The following FBXL17 variants were observed in gnomAD, a reference collection of about 807,000 sequenced individuals.
FBXL17 encodes the protein F-box/LRR-repeat protein 17.
FBXL17 carries 22 observed loss-of-function variants against 66.2 expected under a neutral mutation model. That is an observed-to-expected ratio of 0.33 (90% CI 0.24 to 0.47). The LOEUF is 0.47. Ranked by LOEUF, FBXL17 falls within the 20% of genes least tolerant of loss-of-function variation. FBXL17 has a pLI of 1.00. For missense variants in FBXL17, 878 were observed against 948.2 expected (o/e 0.93, Z 0.97); for synonymous variants, 474 against 400.5 (o/e 1.18, Z -2.19).
intron 7 of FBXL17, among the ~76,000 whole-genome samples, chr5:107,988,085 GTT>G (rs1348457442): frequency 4.0e-5 from 6 of 151,714 alleles, no homozygotes; most frequent in African/African-American, 1.5e-4. Flanking sequence ...ATGTCATCAG[GTT>G]TTCTCAATTT....
At chr5:108,367,531 T>C (rs752983633) in intron 2 of FBXL17, among the ~76,000 whole-genome samples, 1 of 152,018 alleles carries the variant, frequency 6.6e-6, no homozygotes, top group African/African-American at 2.4e-5. Flanking sequence ...TTAAACTATT[T>C]GTAGTATGAT....
At chr5:108,068,390 A>C (rs1178642780) in intron 6 of FBXL17, among the ~76,000 whole-genome samples, 2 of 149,946 alleles carry the variant, frequency 1.3e-5, no homozygotes, top group African/African-American at 4.9e-5. Context: ...CTAGTCCCCC[A>C]AAAAGTACTC....
intron 7 of FBXL17, among the ~76,000 whole-genome samples, chr5:107,968,072 T>C (rs1752223712): frequency 6.6e-6 from 1 of 152,098 alleles, no homozygotes; most frequent in Non-Finnish European, 1.5e-5. Flanking sequence ...ATGTGTTAAG[T>C]TTTAAAACTA....
At chr5:108,068,842 G>C (rs1175050545) in intron 6 of FBXL17, among the ~76,000 whole-genome samples, 1 of 152,112 alleles carries the variant, frequency 6.6e-6, no homozygotes, top group Non-Finnish European at 1.5e-5. Context: ...ATGGATGCCT[G>C]TAAAATAGCA....
chr5:107,937,657 T>G, intron 7 of FBXL17, among the ~76,000 whole-genome samples: 1 of 152,300 alleles, frequency 6.6e-6, no homozygotes, highest in African/African-American at 2.4e-5. Context: ...AACTGTACCT[T>G]TATTTCTCTC....
At chr5:108,349,213 T>C (rs567471501) in intron 3 of FBXL17, among the ~76,000 whole-genome samples, 1 of 152,186 alleles carries the variant, frequency 6.6e-6, no homozygotes, top group African/African-American at 2.4e-5. Context: ...GAAGAAACAT[T>C]TGACAAAAAT....
intron 1 of FBXL17, among the ~76,000 whole-genome samples, chr5:108,378,391 A>G (rs1217883565): frequency 3.3e-5 from 5 of 152,186 alleles, no homozygotes; most frequent in Non-Finnish European, 7.3e-5. Flanking sequence ...AGCATAAAAG[A>G]TGAAGCAAAA....
Position 108,208,620 on chromosome 5 carries a change from T to C in FBXL17, c.1614+15501A>G, listed in dbSNP as rs945022635. Among the ~76,000 whole-genome samples, 3 of 152,206 alleles carry C rather than the reference T, an allele frequency of 2.0e-5. No homozygotes were observed. In the East Asian group the frequency reaches 5.8e-4, roughly 29 times the overall value. On this transcript the variant is annotated intron_variant, in intron 5 of 8. Coordinates refer to ENST00000542267, the MANE Select transcript of FBXL17 (RefSeq NM_001163315.3). ...AGGTTTGTCAAAGATCAGATGGTTG[T>C]AGATACGTGGTGTTATTTCTTAGGT...
At chr5:107,962,070 T>G (rs553505392) in intron 7 of FBXL17, among the ~76,000 whole-genome samples, 2 of 152,280 alleles carry the variant, frequency 1.3e-5, no homozygotes, top group East Asian at 3.9e-4. Context: ...TATAGTTCTT[T>G]GAAAGGAAGA....
chr5:108,321,379 G>C (rs1759611709), intron 4 of FBXL17, among the ~76,000 whole-genome samples: 1 of 151,690 alleles, frequency 6.6e-6, no homozygotes, highest in East Asian at 1.9e-4. Flanking sequence ...TTCTTTCCAA[G>C]TACTGACCAA....
At chr5:107,911,164 T>C (rs900629519) in intron 7 of FBXL17, among the ~76,000 whole-genome samples, 11 of 152,114 alleles carry the variant, frequency 7.2e-5, no homozygotes, top group Non-Finnish European at 1.5e-4. Flanking sequence ...TAAGTTGCAG[T>C]AGTAACAGTA....
chr5:107,964,644 A>T (rs1231288652), intron 7 of FBXL17, among the ~76,000 whole-genome samples: 1 of 152,126 alleles, frequency 6.6e-6, no homozygotes, highest in East Asian at 1.9e-4. Flanking sequence ...GGATAGCTTT[A>T]CCTTCAAGGC....
chr5:107,909,213 C>T (rs1749867185), intron 7 of FBXL17, among the ~76,000 whole-genome samples: 1 of 152,126 alleles, frequency 6.6e-6, no homozygotes, highest in African/African-American at 2.4e-5. Context: ...TCATTATTAA[C>T]TCATTTAAGT....
chr5:108,150,940 C>T (rs555635544), intron 6 of FBXL17, among the ~76,000 whole-genome samples: 5 of 152,228 alleles, frequency 3.3e-5, no homozygotes, highest in East Asian at 3.9e-4. Context: ...GCTTTCCACA[C>T]GGTCATTTTA....
chr5:107,951,330 T>C (rs972265804), intron 7 of FBXL17, among the ~76,000 whole-genome samples: 2 of 152,240 alleles, frequency 1.3e-5, no homozygotes, highest in South Asian at 2.1e-4. Flanking sequence ...TTTAGTAATT[T>C]AGTGTCACAA....
intron 4 of FBXL17, among the ~76,000 whole-genome samples, chr5:108,339,749 G>C (rs991773191): frequency 6.6e-6 from 1 of 151,956 alleles, no homozygotes; most frequent in Non-Finnish European, 1.5e-5. Flanking sequence ...AATACTATTT[G>C]GAATTTCCTA....
intron 7 of FBXL17, among the ~76,000 whole-genome samples, chr5:108,009,261 T>TTATATATATATATATATA: frequency 4.8e-5 from 1 of 20,868 alleles, no homozygotes; most frequent in Non-Finnish European, 8.6e-5. Flanking sequence ...GTTCCCTGTT[T>TTATATATATATATATATA]TATATATATA....
chr5:108,155,900 T>G (rs1751977932), intron 6 of FBXL17, among the ~76,000 whole-genome samples: 2 of 152,208 alleles, frequency 1.3e-5, no homozygotes, highest in Admixed American at 1.3e-4. Context: ...CTTTTAAAAT[T>G]TAATTTATAG....
intron 6 of FBXL17, among the ~76,000 whole-genome samples, chr5:108,155,055 C>A (rs1344664061): frequency 6.6e-6 from 1 of 152,088 alleles, no homozygotes; most frequent in African/African-American, 2.4e-5. Flanking sequence ...ATAAGCTGAT[C>A]AAATCTTTTG....
Sources: allele counts gnomAD v4.1 joint callset (sites outside exome capture counted in the v4.1 genomes callset), GRCh38; gene constraint gnomAD v4.1.1; transcripts MANE v1.5; gene names NCBI Gene and HGNC (gene_info 2026-07-23, HGNC 2026-07-21).